The following HIVEP1 variants were observed in gnomAD, a reference collection of about 807,000 sequenced individuals.
The protein encoded by HIVEP1 is HIVEP zinc finger 1, also known as zinc finger protein 40.
A neutral mutation model predicts 180.0 loss-of-function variants in HIVEP1; 36 were observed. The ratio of observed to expected loss-of-function variants is 0.20; its 90% CI spans 0.15 to 0.26. HIVEP1 has a LOEUF of 0.26. Among genes scored for constraint, HIVEP1 ranks in the 10% least tolerant of loss-of-function variants. HIVEP1 has a pLI of 1.00. For synonymous variants in HIVEP1, 1,239 were observed against 1,239.0 expected (o/e 1.00, Z 0.00); for missense variants, 3,143 against 3,268.7 (o/e 0.96, Z 0.94).
At chr6:12,094,804 G>C (rs1472035135) in intron 3 of HIVEP1, among the ~76,000 whole-genome samples, 1 of 152,002 alleles carries the variant, frequency 6.6e-6, no homozygotes, top group Non-Finnish European at 1.5e-5. Flanking sequence ...TTGATAGGAT[G>C]ATCTGAGGAC....
downstream of HIVEP1, among the ~76,000 whole-genome samples, chr6:12,166,943 C>T (rs1040941632): frequency 3.3e-5 from 5 of 152,108 alleles, no homozygotes; most frequent in African/African-American, 1.2e-4. Context: ...AACCACAGGT[C>T]GTTTTTCTAG....
At chr6:12,145,379 C>T (rs964787816) in intron 7 of HIVEP1, among the ~76,000 whole-genome samples, 2 of 151,818 alleles carry the variant, frequency 1.3e-5, no homozygotes, top group African/African-American at 4.8e-5. Flanking sequence ...GGGGTGGGGG[C>T]CTGGGGGAGG....
At chr6:12,143,406 A>G (rs186878124) in intron 7 of HIVEP1, among the ~76,000 whole-genome samples, 3 of 152,368 alleles carry the variant, frequency 2.0e-5, no homozygotes, top group Admixed American at 6.5e-5. Flanking sequence ...AGAGCTATTT[A>G]TGACAAACCC....
downstream of HIVEP1, among the ~76,000 whole-genome samples, chr6:12,166,877 C>G (rs944706863): frequency 3.3e-5 from 5 of 152,052 alleles, no homozygotes; most frequent in East Asian, 7.7e-4. Context: ...ATTTCAATAC[C>G]TTGTGTGAAT....
chr6:12,159,674 T>C (rs946237421), intron 7 of HIVEP1, among the ~76,000 whole-genome samples: 1 of 152,170 alleles, frequency 6.6e-6, no homozygotes, highest in African/African-American at 2.4e-5. Flanking sequence ...ACACATTCTG[T>C]CTCCAGCATA....
At chr6:12,168,318 A>ACATATATACATATATAATATG (rs1760807480), downstream of HIVEP1, among the ~76,000 whole-genome samples, 3 of 137,614 alleles carry the variant, frequency 2.2e-5, 1 homozygote, top group Non-Finnish European at 4.6e-5. Flanking sequence ...TATATTATAT[A>ACATATATACATATATAATATG]CATATATATT....
upstream of HIVEP1, chr6:12,012,244 CCCGCGCT>C (rs1429807104): frequency 7.0e-6 from 1 of 143,434 alleles, no homozygotes; most frequent in African/African-American, 2.5e-5. Flanking sequence ...GCCCGCGCGC[CCCGCGCT>C]CCCCCCCCCG....
intron 7 of HIVEP1, among the ~76,000 whole-genome samples, chr6:12,142,044 T>G (rs1434723736): frequency 6.6e-6 from 1 of 152,178 alleles, no homozygotes; most frequent in Admixed American, 6.5e-5. Context: ...CTAAGAGACA[T>G]CTACAGAACT....
At chr6:12,203,815 G>A in the HIVEP1 span, among the ~76,000 whole-genome samples, 324 of 152,284 alleles carry the variant, frequency 2.1e-3, 1 homozygote, top group Non-Finnish European at 3.4e-3. Flanking sequence ...AGTGGCTCAC[G>A]TCTGTAATCC....
chr6:12,117,304 G>T (rs1256063800), intron 3 of HIVEP1, among the ~76,000 whole-genome samples: 2 of 152,178 alleles, frequency 1.3e-5, no homozygotes, highest in Admixed American at 6.5e-5. Flanking sequence ...CAGATAAAAT[G>T]TAAGTGTTAT....
intron 2 of HIVEP1, among the ~76,000 whole-genome samples, chr6:12,071,103 A>AC (rs899243483): frequency 1.3e-5 from 2 of 151,942 alleles, no homozygotes; most frequent in Admixed American, 6.6e-5. Flanking sequence ...ATAAGCCCCC[A>AC]CCCCTTAGTC....
chr6:12,072,086 T>TTC (rs1772010946), intron 2 of HIVEP1, among the ~76,000 whole-genome samples: 1 of 49,440 alleles, frequency 2.0e-5, no homozygotes, highest in South Asian at 3.7e-4. Context: ...ATTCTTCTTC[T>TTC]TTTTTTTTTT....
chr6:12,055,240 C>T (rs577521919), intron 2 of HIVEP1, among the ~76,000 whole-genome samples: 1 of 152,164 alleles, frequency 6.6e-6, no homozygotes, highest in Non-Finnish European at 1.5e-5. Flanking sequence ...TTTGGGAGGC[C>T]AAGGCGGACG....
intron 7 of HIVEP1, among the ~76,000 whole-genome samples, chr6:12,140,696 T>C (rs114415531): frequency 0.035 from 5,348 of 152,188 alleles, 123 homozygotes; most frequent in South Asian, 0.062. Flanking sequence ...GGAGCAAAAC[T>C]GTGGCACGAG....
At chr6:12,051,850 A>G (rs35341148) in intron 2 of HIVEP1, among the ~76,000 whole-genome samples, 22,618 of 152,196 alleles carry the variant, frequency 0.15, 2,208 homozygotes, top group Non-Finnish European at 0.22. Context: ...ACACTTGTCC[A>G]TAATTATACT....
chr6:12,120,935 C>G lies in HIVEP1; in HGVS notation c.1140C>G (p.Ala380=). The change falls in exon 4 of 9, where the codon GCC becomes GCG. Residue 380 remains alanine, a synonymous_variant. Coordinates refer to ENST00000379388, the MANE Select transcript of HIVEP1 (RefSeq NM_002114.4). ...PMPIYNSTHV[A]SVVNQSVEQM... ...CAATCTATAATTCAACTCATGTTGC[C>G]TCTGTTGTTAATCAAAGCGTAGAGC... The G allele has an allele frequency of 6.2e-7, 1 of 1,614,116 alleles. No individual in the cohort carries two copies. Among genetic ancestry groups the G allele is most frequent in the South Asian group, 1.1e-5 (1 of 91,076 alleles).
intron 2 of HIVEP1, among the ~76,000 whole-genome samples, chr6:12,067,055 G>T (rs982971439): frequency 5.3e-5 from 8 of 152,068 alleles, no homozygotes; most frequent in Non-Finnish European, 1.2e-4. Context: ...CAGATTTGGT[G>T]GTACATTTTC....
At chr6:12,183,453 G>A in the HIVEP1 span, among the ~76,000 whole-genome samples, 84 of 152,184 alleles carry the variant, frequency 5.5e-4, no homozygotes, top group Admixed American at 2.6e-4. Context: ...TGCCAGCTAC[G>A]TTATGGAGTT....
At chr6:12,010,873 C>T (rs1467216769), upstream of HIVEP1, among the ~76,000 whole-genome samples, 1 of 152,226 alleles carries the variant, frequency 6.6e-6, no homozygotes, top group African/African-American at 2.4e-5. Context: ...ATTACTCCCT[C>T]TTCCCCTTTC....
Sources: allele counts gnomAD v4.1 joint callset (sites outside exome capture counted in the v4.1 genomes callset), GRCh38; gene constraint gnomAD v4.1.1; transcripts MANE v1.5; gene names NCBI Gene and HGNC (gene_info 2026-07-23, HGNC 2026-07-21).